MEMO1: variants seen among roughly 807,000 people sequenced by gnomAD.
MEMO1 encodes protein MEMO1.
Under a neutral mutation model 45.2 loss-of-function variants are expected in MEMO1, and 6 were observed. The ratio of observed to expected loss-of-function variants is 0.13; its 90% CI spans 0.07 to 0.26. The LOEUF is 0.26. Ranked by LOEUF, MEMO1 falls within the 10% of genes least tolerant of loss-of-function variation. MEMO1 has a pLI of 1.00. For missense variants in MEMO1, 184 were observed against 370.5 expected (o/e 0.50, Z 4.13); for synonymous variants, 78 against 124.3 (o/e 0.63, Z 2.48).
At chr2:31,914,895 TA>T (rs1377558859) in intron 6 of MEMO1, among the ~76,000 whole-genome samples, 4 of 149,386 alleles carry the variant, frequency 2.7e-5, no homozygotes, top group Non-Finnish European at 5.9e-5. Flanking sequence ...AGTTCAAGGC[TA>T]CAGTGAGTTA....
In MEMO1 at chr2:31,869,007, A is replaced by T. The variant is rs191102585; in HGVS notation, c.763-515T>A. Among the ~76,000 whole-genome samples, 325 of 152,310 alleles carry T rather than the reference A, an allele frequency of 2.1e-3. 1 individual carries two copies. The highest frequency in any genetic ancestry group is 7.2e-3 in the African/African-American group (298 of 41,582). The stretch of plus-strand genomic sequence containing the variant: ...AGATTTTAGGAAATTAGTACAGTTT[A>T]TTCTAGCTTCAATTTTCAAAAATTA... On this transcript the variant is annotated intron_variant, in intron 9 of 9. Coordinates refer to ENST00000404530, the MANE Select transcript of MEMO1 (RefSeq NM_001301833.4).
chr2:31,871,835 G>A (rs1032665586), intron 8 of MEMO1, among the ~76,000 whole-genome samples: 2 of 152,062 alleles, frequency 1.3e-5, no homozygotes, highest in African/African-American at 2.4e-5. Context: ...CCAACATGGT[G>A]AAACCCTATT....
intron 2 of MEMO1, among the ~76,000 whole-genome samples, chr2:31,982,707 A>C (rs1167257931): frequency 6.6e-6 from 1 of 152,166 alleles, no homozygotes; most frequent in Admixed American, 6.5e-5. Context: ...GCTGTATAAA[A>C]ACTTATACTC....
At chr2:32,000,382 C>T (rs1415113027) in intron 2 of MEMO1, among the ~76,000 whole-genome samples, 1 of 152,116 alleles carries the variant, frequency 6.6e-6, no homozygotes, top group Non-Finnish European at 1.5e-5. Context: ...AGGAACCTGC[C>T]ACCACGCCCA....
intron 6 of MEMO1, among the ~76,000 whole-genome samples, chr2:31,901,064 T>A (rs947357884): frequency 2.0e-5 from 3 of 152,154 alleles, no homozygotes; most frequent in Non-Finnish European, 2.9e-5. Flanking sequence ...TATAATGGAA[T>A]AATTATTTGG....
intron 4 of MEMO1, among the ~76,000 whole-genome samples, chr2:31,921,685 A>G (rs1023913841): frequency 5.9e-5 from 9 of 152,340 alleles, no homozygotes; most frequent in Admixed American, 5.9e-4. Context: ...AAAATTCTAA[A>G]TATCTATACA....
chr2:31,870,040 T>G (rs1673464597), intron 8 of MEMO1, 88 bp from the exon 9 acceptor site: 1 of 1,019,942 alleles, frequency 9.8e-7, no homozygotes, highest in Non-Finnish European at 1.3e-6. Flanking sequence ...AAACTGTTAC[T>G]TAAACATAAT....
chr2:31,872,624 A>G (rs574798047), intron 8 of MEMO1, among the ~76,000 whole-genome samples: 1 of 152,294 alleles, frequency 6.6e-6, no homozygotes, highest in South Asian at 2.1e-4. Context: ...AAATACTACT[A>G]AGTAAAGAGT....
intron 2 of MEMO1, among the ~76,000 whole-genome samples, chr2:31,956,599 C>A (rs956627605): frequency 2.0e-5 from 3 of 152,070 alleles, no homozygotes; most frequent in African/African-American, 7.2e-5. Flanking sequence ...AACAAACAAT[C>A]TGAAAATTGA....
chr2:31,927,987 C>A (rs1396811743), intron 4 of MEMO1, among the ~76,000 whole-genome samples: 1 of 152,202 alleles, frequency 6.6e-6, no homozygotes, highest in African/African-American at 2.4e-5. Flanking sequence ...CAGCACAGGG[C>A]TAAAACCATG....
At chr2:31,993,513 C>G (rs1201121951) in intron 2 of MEMO1, among the ~76,000 whole-genome samples, 3 of 152,168 alleles carry the variant, frequency 2.0e-5, no homozygotes, top group Non-Finnish European at 2.9e-5. Flanking sequence ...ATTTGCCATA[C>G]TGAAGTTTGA....
At chr2:31,910,576 G>A (rs1190423532) in intron 6 of MEMO1, among the ~76,000 whole-genome samples, 1 of 152,164 alleles carries the variant, frequency 6.6e-6, no homozygotes, top group Non-Finnish European at 1.5e-5. Context: ...TTTGAAAGTT[G>A]TTAGCCGGGT....
At chr2:31,964,856 T>C (rs1668426608) in intron 2 of MEMO1, among the ~76,000 whole-genome samples, 1 of 152,172 alleles carries the variant, frequency 6.6e-6, no homozygotes, top group Non-Finnish European at 1.5e-5. Flanking sequence ...TTATTTGTAT[T>C]CCCTTCTTTT....
At chr2:31,958,892 C>G (rs898583930) in intron 2 of MEMO1, among the ~76,000 whole-genome samples, 3 of 152,188 alleles carry the variant, frequency 2.0e-5, no homozygotes, top group African/African-American at 7.2e-5. Context: ...CTCAAGCAAT[C>G]CATCTGCCTC....
intron 4 of MEMO1, among the ~76,000 whole-genome samples, chr2:31,924,035 G>A (rs544170363): frequency 6.6e-6 from 1 of 152,010 alleles, no homozygotes; most frequent in Non-Finnish European, 1.5e-5. Context: ...CTCACCAATA[G>A]CCAAATCAAG....
chr2:31,966,701 C>T (rs999496088), intron 2 of MEMO1, among the ~76,000 whole-genome samples: 1 of 121,914 alleles, frequency 8.2e-6, no homozygotes, highest in Non-Finnish European at 1.7e-5. Context: ...CCACTGCACT[C>T]CAGCCTGGGT....
chr2:31,936,112 C>A (rs538767053), intron 3 of MEMO1, among the ~76,000 whole-genome samples: 4 of 151,884 alleles, frequency 2.6e-5, no homozygotes, highest in Non-Finnish European at 4.4e-5. Flanking sequence ...TACAGGCATC[C>A]GTCACCACAC....
rs554194751 is a variant in MEMO1, at chr2:31,901,225, T to G, written c.438-9091A>C. ...CTGTCTCTACTAAAAACACAAAAAT[T>G]AGCCGGGTGTGGTGGCACACGCTTG... On this transcript the variant is annotated intron_variant, in intron 6 of 9. Transcript: ENST00000404530. 4.6e-5 allele frequency among the ~76,000 whole-genome samples: 7 copies of G among 151,480 alleles called. No homozygotes were observed. In the East Asian group the frequency reaches 1.4e-3, roughly 29 times the overall value.
At chr2:31,963,530 C>G (rs773053988) in intron 2 of MEMO1, among the ~76,000 whole-genome samples, 1 of 152,146 alleles carries the variant, frequency 6.6e-6, no homozygotes, top group African/African-American at 2.4e-5. Context: ...ATTATTTATC[C>G]TTTTTCTATA....
Sources: gnomAD v4.1 joint callset for allele counts (sites outside exome capture counted in the v4.1 genomes callset) on GRCh38, gnomAD v4.1.1 for gene constraint, MANE v1.5 for transcripts, NCBI Gene and HGNC (gene_info 2026-07-23, HGNC 2026-07-21) for gene names.